The following ADARB2 variants were observed in gnomAD, a reference collection of about 807,000 sequenced individuals.
ADARB2 encodes the protein adenosine deaminase RNA specific B2 (inactive).
In ADARB2, 25 loss-of-function variants were observed where a neutral mutation model predicts 62.2. The observed-to-expected ratio is 0.40, with a 90% CI of 0.29 to 0.56. The LOEUF (loss-of-function observed/expected upper bound fraction) is 0.56, where lower values mean the gene tolerates loss of function less well. Ranked by LOEUF, ADARB2 falls within the 20% of genes least tolerant of loss-of-function variation. ADARB2 has a pLI of 0.43. For synonymous variants in ADARB2, 572 were observed against 500.8 expected (o/e 1.14, Z -1.90); for missense variants, 1,071 against 1,077.4 (o/e 0.99, Z 0.08).
At chr10:1,362,506 C>T (rs764936117) in intron 3 of ADARB2, among the ~76,000 whole-genome samples, 5 of 152,160 alleles carry the variant, frequency 3.3e-5, no homozygotes, top group African/African-American at 4.8e-5. Context: ...AGGAAGGAAC[C>T]GGAGGGGTCC....
At chr10:1,579,045 C>G (rs1188519459) in intron 1 of ADARB2, among the ~76,000 whole-genome samples, 1 of 152,152 alleles carries the variant, frequency 6.6e-6, no homozygotes, top group Non-Finnish European at 1.5e-5. Flanking sequence ...GATCAGGATA[C>G]CACGAGGTGG....
chr10:1,583,670 G>C (rs71475805), intron 1 of ADARB2, among the ~76,000 whole-genome samples: 27,671 of 152,248 alleles, frequency 0.18, 3,034 homozygotes, highest in East Asian at 0.39. Flanking sequence ...CACTTGATTT[G>C]TAGATTCAAT....
chr10:1,204,165 A>G (rs1837020280), intron 7 of ADARB2, among the ~76,000 whole-genome samples: 1 of 152,050 alleles, frequency 6.6e-6, no homozygotes, highest in South Asian at 2.1e-4. Flanking sequence ...ACCTTTTGAC[A>G]AGACAGGTAA....
chr10:1,528,224 GCCT>G (rs2131956793), intron 1 of ADARB2, among the ~76,000 whole-genome samples: 1 of 152,312 alleles, frequency 6.6e-6, no homozygotes, highest in East Asian at 1.9e-4. Context: ...GCAGCTCCGC[GCCT>G]CCTGTGAGTG....
chr10:1,511,509 G>A (rs188830138), intron 1 of ADARB2, among the ~76,000 whole-genome samples: 2 of 152,154 alleles, frequency 1.3e-5, no homozygotes, highest in African/African-American at 4.8e-5. Context: ...GGGGGTGGGG[G>A]CAGTGTCAAC....
chr10:1,443,692 T>C (rs951515188), intron 1 of ADARB2, among the ~76,000 whole-genome samples: 16 of 152,148 alleles, frequency 1.1e-4, no homozygotes, highest in African/African-American at 3.9e-4. Flanking sequence ...TAATTCCTAA[T>C]AGCTTGGACT....
rs377589527 is a variant in ADARB2 at position 1,710,914 on chromosome 10, TG to T, written c.100+26136del. On this transcript the variant is annotated intron_variant, in intron 1 of 9. Transcript: ENST00000381312. ...ACAGATGCTTCCCAGGCCTGTCCGGTGGTCCTGCAGGGTCAAATGTAACCAA... is the reference window on the plus strand; with the variant it reads ...ACAGATGCTTCCCAGGCCTGTCCGGTGTCCTGCAGGGTCAAATGTAACCAA... Among the ~76,000 whole-genome samples the T allele has an allele frequency of 1.4e-3, 219 of 152,296 alleles. 1 individual carries two copies. Among genetic ancestry groups the T allele is most frequent in the African/African-American group, 4.9e-3 (205 of 41,580 alleles).
intron 3 of ADARB2, among the ~76,000 whole-genome samples, chr10:1,294,478 G>T (rs191074683): frequency 1.3e-5 from 2 of 152,148 alleles, no homozygotes; most frequent in African/African-American, 4.8e-5. Flanking sequence ...ACCTGATGGC[G>T]TTTCACCTTA....
At chr10:1,507,138 A>C (rs1295744015) in intron 1 of ADARB2, among the ~76,000 whole-genome samples, 1 of 152,216 alleles carries the variant, frequency 6.6e-6, no homozygotes, top group East Asian at 1.9e-4. Context: ...TTACTCACTG[A>C]TTCTTCCAGT....
At chr10:1,723,762 T>C (rs1214543172) in intron 1 of ADARB2, among the ~76,000 whole-genome samples, 1 of 152,138 alleles carries the variant, frequency 6.6e-6, no homozygotes, top group Non-Finnish European at 1.5e-5. Flanking sequence ...ACTTACCTTC[T>C]AACCACCCTG....
intron 1 of ADARB2, among the ~76,000 whole-genome samples, chr10:1,380,617 T>C (rs1832474586): frequency 6.6e-6 from 1 of 152,186 alleles, no homozygotes; most frequent in South Asian, 2.1e-4. Flanking sequence ...CCAGGAGAGT[T>C]CCCATTGAAA....
intron 1 of ADARB2, among the ~76,000 whole-genome samples, chr10:1,431,343 T>C (rs2131890020): frequency 6.6e-6 from 1 of 152,196 alleles, no homozygotes; most frequent in South Asian, 2.1e-4. Flanking sequence ...AACCCATGTA[T>C]CAGAGAAAAA....
chr10:1,242,766 C>G (rs1830939519), intron 4 of ADARB2, among the ~76,000 whole-genome samples: 1 of 138,550 alleles, frequency 7.2e-6, no homozygotes, highest in African/African-American at 2.6e-5. Context: ...CACCCTAACA[C>G]AGAAACACAG....
intron 1 of ADARB2, among the ~76,000 whole-genome samples, chr10:1,486,862 G>A (rs545541246): frequency 5.3e-5 from 8 of 152,286 alleles, no homozygotes; most frequent in Admixed American, 1.3e-4. Flanking sequence ...AAATGCAAGA[G>A]GAGTGAACGT....
In ADARB2 at chr10:1,177,624, G is replaced by A. The variant is rs1373250252; in HGVS notation, c.*5569C>T. Reference sequence around the variant, plus strand: ...TTTACCGATGCATAAACTGCAGAGAGATAGAAATCTAGGGCCTGTGTGAAA... The same window carrying A: ...TTTACCGATGCATAAACTGCAGAGAAATAGAAATCTAGGGCCTGTGTGAAA... On this transcript the variant is annotated 3_prime_UTR_variant, in exon 10 of 10. Transcript: ENST00000381312. 1 of 152,054 alleles carries A rather than the reference G, an allele frequency of 6.6e-6. No individual in the cohort carries two copies. The highest frequency in any genetic ancestry group is 1.5e-5 in the Non-Finnish European group (1 of 68,022). The allele number at this position is 152,054 out of a possible 1,614,324, so 9.4% of individuals were successfully genotyped here.
intron 1 of ADARB2, among the ~76,000 whole-genome samples, chr10:1,553,195 T>C (rs758435879): frequency 6.6e-6 from 1 of 152,230 alleles, no homozygotes; most frequent in African/African-American, 2.4e-5. Flanking sequence ...ACCAAAAAAA[T>C]GTCACTGTGC....
chr10:1,461,754 C>T (rs1043249595), intron 1 of ADARB2, among the ~76,000 whole-genome samples: 3 of 151,966 alleles, frequency 2.0e-5, no homozygotes, highest in Non-Finnish European at 4.4e-5. Context: ...AATCCCAGCA[C>T]TTTGGGAGGC....
At chr10:1,601,876 C>T (rs1479837838) in intron 1 of ADARB2, among the ~76,000 whole-genome samples, 1 of 152,180 alleles carries the variant, frequency 6.6e-6, no homozygotes, top group African/African-American at 2.4e-5. Flanking sequence ...TAAAACAAAG[C>T]AAAAGCAAAA....
intron 1 of ADARB2, among the ~76,000 whole-genome samples, chr10:1,589,511 G>T (rs963061703): frequency 3.3e-5 from 5 of 152,260 alleles, no homozygotes; most frequent in Non-Finnish European, 7.4e-5. Context: ...CACGGTCGGG[G>T]CGTCCATGGT....
Sources: allele counts gnomAD v4.1 joint callset (sites outside exome capture counted in the v4.1 genomes callset), GRCh38; gene constraint gnomAD v4.1.1; transcripts MANE v1.5; gene names NCBI Gene and HGNC (gene_info 2026-07-23, HGNC 2026-07-21).